The following MTUS2 variants were observed in gnomAD, a reference collection of about 807,000 sequenced individuals.
The protein encoded by MTUS2 is microtubule-associated tumor suppressor candidate 2.
A neutral mutation model predicts 114.1 loss-of-function variants in MTUS2; 40 were observed. The ratio of observed to expected loss-of-function variants is 0.35; its 90% CI spans 0.27 to 0.46. The LOEUF (loss-of-function observed/expected upper bound fraction) is 0.46, where lower values mean the gene tolerates loss of function less well. Ranked by LOEUF, MTUS2 falls within the 20% of genes least tolerant of loss-of-function variation. The probability of loss-of-function intolerance (pLI) is 1.00; values close to 1 mark genes in which losing one functional copy is unlikely to be tolerated. For synonymous variants in MTUS2, 688 were observed against 672.0 expected, an observed-to-expected ratio of 1.02 and a Z score of -0.37; for missense variants, 1,679 against 1,705.4, an observed-to-expected ratio of 0.98 and a Z score of 0.27.
chr13:29,098,367 G>A (rs1890264094), intron 4 of MTUS2, among the ~76,000 whole-genome samples: 1 of 152,180 alleles, frequency 6.6e-6, no homozygotes, highest in Non-Finnish European at 1.5e-5. Context: ...GTAACTTAGT[G>A]TATGATATAG....
At chr13:29,340,869 A>G (rs1012638034) in intron 7 of MTUS2, among the ~76,000 whole-genome samples, 11 of 152,190 alleles carry the variant, frequency 7.2e-5, no homozygotes, top group African/African-American at 2.7e-4. Flanking sequence ...CTCATAGCTT[A>G]GCTCCCACTT....
chr13:29,232,296 A>G lies in MTUS2; in HGVS notation c.2645-49408A>G, dbSNP rs550725803. Among the ~76,000 whole-genome samples, 469 of 148,660 alleles carry G rather than the reference A, an allele frequency of 3.2e-3. 2 individuals carry two copies. Among genetic ancestry groups the G allele is most frequent in the Non-Finnish European group, 4.4e-3 (293 of 66,212 alleles). ...CATACATACACACACACACACACAC[A>G]CGCGCGCGCGCACACACACACACAC... On this transcript the variant is annotated intron_variant, in intron 5 of 15. Coordinates refer to ENST00000612955, the MANE Select transcript of MTUS2 (RefSeq NM_001033602.4).
intron 2 of MTUS2, among the ~76,000 whole-genome samples, chr13:28,946,288 TG>T (rs1271318236): frequency 6.6e-6 from 1 of 151,778 alleles, no homozygotes; most frequent in Non-Finnish European, 1.5e-5. Flanking sequence ...TGTGTGTGTG[TG>T]TGTGTGTGTG....
chr13:28,902,984 T>C (rs1338310334), intron 2 of MTUS2, among the ~76,000 whole-genome samples: 1 of 152,176 alleles, frequency 6.6e-6, no homozygotes, highest in African/African-American at 2.4e-5. Context: ...ACCTGATGAA[T>C]TAAACTCTTC....
intron 4 of MTUS2, among the ~76,000 whole-genome samples, chr13:29,076,737 AC>A (rs761563602): frequency 1.3e-4 from 20 of 152,156 alleles, no homozygotes; most frequent in Non-Finnish European, 2.4e-4. Flanking sequence ...CAGAAGTCAC[AC>A]ACTTCGCTTC....
At chr13:29,425,216 C>A (rs1876420186) in intron 8 of MTUS2, among the ~76,000 whole-genome samples, 1 of 152,096 alleles carries the variant, frequency 6.6e-6, no homozygotes, top group Non-Finnish European at 1.5e-5. Flanking sequence ...GAGTTTGAGA[C>A]CAGCCTGGCC....
At chr13:28,943,135 C>T (rs1350471785) in intron 2 of MTUS2, among the ~76,000 whole-genome samples, 3 of 152,102 alleles carry the variant, frequency 2.0e-5, no homozygotes, top group Admixed American at 2.0e-4. Flanking sequence ...GGGCAAGTTG[C>T]TTAGTTCCTT....
At chr13:28,900,180 G>C (rs188956738) in intron 2 of MTUS2, among the ~76,000 whole-genome samples, 6 of 152,206 alleles carry the variant, frequency 3.9e-5, no homozygotes. Flanking sequence ...GAGCCATTGC[G>C]TGCAGCCCCA....
At chr13:29,147,056 A>G (rs1566032244) in intron 5 of MTUS2, among the ~76,000 whole-genome samples, 1 of 152,214 alleles carries the variant, frequency 6.6e-6, no homozygotes, top group South Asian at 2.1e-4. Context: ...TGTAATACCC[A>G]TTGTATGTAA....
chr13:28,951,211 T>G (rs1258833851), intron 2 of MTUS2, among the ~76,000 whole-genome samples: 2 of 152,144 alleles, frequency 1.3e-5, no homozygotes, highest in Admixed American at 1.3e-4. Flanking sequence ...TACTTAGAAA[T>G]TAACCAAGGA....
chr13:29,450,789 T>C lies in MTUS2; in HGVS notation c.3184+10740T>C, dbSNP rs574801115. On this transcript the variant is annotated intron_variant, in intron 9 of 15. Transcript: ENST00000612955. ...CATCAATCAAAAGAAAATTGGAATGTCTATATTCATATCACACAAAGTAGA... is the reference window on the plus strand; with the variant it reads ...CATCAATCAAAAGAAAATTGGAATGCCTATATTCATATCACACAAAGTAGA... Among the ~76,000 whole-genome samples the C allele has an allele frequency of 1.7e-3, 255 of 152,330 alleles. 1 individual carries two copies. Among genetic ancestry groups the C allele is most frequent in the African/African-American group, 5.9e-3 (246 of 41,556 alleles).
At chr13:28,998,005 G>T (rs936462994) in intron 2 of MTUS2, among the ~76,000 whole-genome samples, 8 of 152,100 alleles carry the variant, frequency 5.3e-5, no homozygotes, top group African/African-American at 1.4e-4. Flanking sequence ...TTACAATTTG[G>T]CATGTTTTTG....
chr13:28,826,161 T>C (rs899245253), intron 1 of MTUS2, among the ~76,000 whole-genome samples: 1 of 152,202 alleles, frequency 6.6e-6, no homozygotes, highest in Non-Finnish European at 1.5e-5. Flanking sequence ...CCAAGCACTT[T>C]TCAAGCTCTT....
At position 29,496,577 on chromosome 13, in the gene MTUS2, GT is replaced by G. The variant is rs1882566584; in HGVS notation, c.3580-659del. 6.5e-6 allele frequency: 1 copy of G among 152,938 alleles called. No homozygotes were observed. The highest frequency in any genetic ancestry group is 1.5e-5 in the Non-Finnish European group (1 of 68,422). The allele number at this position is 152,938 out of a possible 1,614,324, so 9.5% of individuals were successfully genotyped here. The stretch of plus-strand genomic sequence containing the variant: ...GGAGGAGGAGATAGGGGAAGGACAG[GT>G]TCCGGTTTGCACATTAGAAAGAGTG... On this transcript the variant is annotated intron_variant, in intron 12 of 15. Coordinates refer to ENST00000612955, the MANE Select transcript of MTUS2 (RefSeq NM_001033602.4). The surrounding 1 kb of genome is among the most constrained non-coding windows in gnomAD (Gnocchi z 4.3).
intron 6 of MTUS2, among the ~76,000 whole-genome samples, chr13:29,297,026 C>A (rs903262972): frequency 1.3e-5 from 2 of 152,122 alleles, no homozygotes; most frequent in African/African-American, 4.8e-5. Flanking sequence ...TTGCCCAGAC[C>A]AATGTCCCGA....
At chr13:29,212,892 C>T (rs1424179281) in intron 5 of MTUS2, among the ~76,000 whole-genome samples, 1 of 152,096 alleles carries the variant, frequency 6.6e-6, no homozygotes, top group African/African-American at 2.4e-5. Flanking sequence ...ACTCAATCTC[C>T]AGCGCCAGAG....
At chr13:29,070,688 GT>G (rs1888878024) in intron 4 of MTUS2, among the ~76,000 whole-genome samples, 2 of 103,362 alleles carry the variant, frequency 1.9e-5, no homozygotes, top group African/African-American at 3.0e-5. Context: ...TTTGAAACTT[GT>G]CTCTCTGTTT....
At chr13:29,331,355 C>T (rs1289062320) in intron 7 of MTUS2, among the ~76,000 whole-genome samples, 2 of 152,114 alleles carry the variant, frequency 1.3e-5, no homozygotes, top group Non-Finnish European at 1.5e-5. Context: ...ATGGGGTTTT[C>T]TAAATATATA....
intron 2 of MTUS2, among the ~76,000 whole-genome samples, chr13:29,006,820 G>T (rs1200831076): frequency 6.6e-6 from 1 of 152,128 alleles, no homozygotes; most frequent in African/African-American, 2.4e-5. Context: ...CTTTAAATCT[G>T]TGACTCTCTT....
Sources: gnomAD v4.1 joint callset for allele counts (sites outside exome capture counted in the v4.1 genomes callset) on GRCh38, gnomAD v4.1.1 for gene constraint, Gnocchi (gnomAD v3.1) non-coding constraint, MANE v1.5 for transcripts, NCBI Gene and HGNC (gene_info 2026-07-23, HGNC 2026-07-21) for gene names.